Variants in RHPN2 observed in about 807,000 individuals in gnomAD.
The protein encoded by RHPN2 is rhophilin Rho GTPase binding protein 2.
Under a neutral mutation model 79.0 loss-of-function variants are expected in RHPN2, and 40 were observed. The ratio of observed to expected loss-of-function variants is 0.51; its 90% CI spans 0.39 to 0.66. The LOEUF (loss-of-function observed/expected upper bound fraction) is 0.66. Ranked by LOEUF, RHPN2 falls within the 30% of genes least tolerant of loss-of-function variation. The pLI, the probability that RHPN2 is intolerant of heterozygous loss-of-function variation, is 0.00. For synonymous variants in RHPN2, 285 were observed against 363.5 expected, an observed-to-expected ratio of 0.78 and a Z score of 2.46; for missense variants, 686 against 883.5, an observed-to-expected ratio of 0.78 and a Z score of 2.83.
rs1235103647 is a variant in RHPN2 at position 33,006,445 on chromosome 19, C to G, written c.760+1569G>C. The stretch of plus-strand genomic sequence containing the variant: ...AATCATTATAACATCAGAAATTTCA[C>G]GATGAGTCAAAGTGGCAAAGCTATG... On this transcript the variant is annotated intron_variant, in intron 7 of 14. Coordinates refer to ENST00000254260, the MANE Select transcript of RHPN2 (RefSeq NM_033103.5). Among the ~76,000 whole-genome samples the G allele has an allele frequency of 2.6e-5, 4 of 152,236 alleles. No homozygotes were observed. The East Asian group carries it at 5.8e-4, about 22-fold the overall frequency.
At chr19:33,019,674 G>T (rs904465897) in intron 4 of RHPN2, among the ~76,000 whole-genome samples, 1 of 151,990 alleles carries the variant, frequency 6.6e-6, no homozygotes, top group Non-Finnish European at 1.5e-5. Flanking sequence ...TGAAGTGGGA[G>T]GATCACCTGA....
rs1006251671 is a variant in RHPN2 at position 33,018,700 on chromosome 19, T to G, written c.390+2871A>C. 7.6e-4 allele frequency among the ~76,000 whole-genome samples: 116 copies of G among 152,228 alleles called. 2 individuals are homozygous for G. Among genetic ancestry groups the G allele is most frequent in the Admixed American group, 7.9e-4 (12 of 15,262 alleles). On this transcript the variant is annotated intron_variant, in intron 4 of 14. Coordinates refer to ENST00000254260, the MANE Select transcript of RHPN2 (RefSeq NM_033103.5). Reference sequence around the variant, plus strand: ...TCTATTTATGTCAAACAACTCACTGTCTCTGAGAATGAACGTCAAGTGCTT... The same window carrying G: ...TCTATTTATGTCAAACAACTCACTGGCTCTGAGAATGAACGTCAAGTGCTT...
chr19:33,009,840 G>A (rs191119561), intron 6 of RHPN2, among the ~76,000 whole-genome samples: 2 of 151,474 alleles, frequency 1.3e-5, no homozygotes, highest in African/African-American at 2.4e-5. Context: ...CTGCAGTGGC[G>A]CCATCTCAGC....
chr19:33,011,333 T>C (rs1189670157), intron 6 of RHPN2, among the ~76,000 whole-genome samples: 2 of 152,164 alleles, frequency 1.3e-5, no homozygotes, highest in African/African-American at 2.4e-5. Context: ...TACACATGCA[T>C]GCCCCTGTCC....
chr19:33,032,286 G>C (rs1972019776), intron 2 of RHPN2, among the ~76,000 whole-genome samples: 1 of 152,138 alleles, frequency 6.6e-6, no homozygotes, highest in African/African-American at 2.4e-5. Context: ...CGAAGTGCTG[G>C]GATTATAGGC....
chr19:33,048,494 G>A (rs1972160075), intron 1 of RHPN2, among the ~76,000 whole-genome samples: 1 of 151,034 alleles, frequency 6.6e-6, no homozygotes, highest in Admixed American at 6.6e-5. Flanking sequence ...GGGAGGCTGA[G>A]GCGGGTAGAT....
chr19:33,045,050 CTTT>C (rs367927850), intron 1 of RHPN2, among the ~76,000 whole-genome samples: 2 of 127,288 alleles, frequency 1.6e-5, no homozygotes, highest in Admixed American at 8.6e-5. Flanking sequence ...TGAGTATCTA[CTTT>C]TTTTTTTTTT....
At chr19:33,040,024 G>A (rs6510332) in intron 2 of RHPN2, among the ~76,000 whole-genome samples, 80,418 of 151,538 alleles carry the variant, frequency 0.53, 25,542 homozygotes, top group African/African-American at 0.87. Flanking sequence ...ACCACTCCCT[G>A]TTGTCTCACA....
chr19:33,033,017 T>C (rs556051564), intron 2 of RHPN2, among the ~76,000 whole-genome samples: 2 of 152,308 alleles, frequency 1.3e-5, no homozygotes, highest in African/African-American at 2.4e-5. Flanking sequence ...ACATGTTGTA[T>C]GAATATGTTA....
chr19:33,029,336 C>G (rs1160558585), intron 2 of RHPN2, among the ~76,000 whole-genome samples: 1 of 151,676 alleles, frequency 6.6e-6, no homozygotes, highest in Non-Finnish European at 1.5e-5. Flanking sequence ...ACCATCCTGG[C>G]TGACATAGTG....
intron 12 of RHPN2, among the ~76,000 whole-genome samples, chr19:32,993,744 G>A (rs1971678791): frequency 6.6e-6 from 1 of 152,122 alleles, no homozygotes; most frequent in Non-Finnish European, 1.5e-5. Flanking sequence ...GAGGACACAG[G>A]TAGAAGGCCC....
chr19:32,981,707 C>CT (rs34395682), intron 14 of RHPN2, among the ~76,000 whole-genome samples: 192 of 123,586 alleles, frequency 1.6e-3, no homozygotes, highest in South Asian at 3.9e-3. Context: ...TTTCTTTTTC[C>CT]TTTTTTTTTT....
chr19:33,018,102 G>A (rs1303815327), intron 4 of RHPN2, among the ~76,000 whole-genome samples: 1 of 152,046 alleles, frequency 6.6e-6, no homozygotes, highest in African/African-American at 2.4e-5. Context: ...GCAGTGAGCC[G>A]AGATCACGCC....
rs561202537 is a variant in RHPN2 at position 33,004,681 on chromosome 19, G to C, written c.761-1681C>G. ...AGTTCACTGCAACCTCTGCCTCCCA[G>C]GTTCAAGCGATCCTCCTGCCTCAGC... is the stretch of plus-strand genomic sequence containing the variant. On this transcript the variant is annotated intron_variant, in intron 7 of 14. Coordinates refer to ENST00000254260, the MANE Select transcript of RHPN2 (RefSeq NM_033103.5). Among the ~76,000 whole-genome samples, 7 of 151,792 alleles carry C rather than the reference G, an allele frequency of 4.6e-5. No individual in the cohort carries two copies. The South Asian group carries it at 1.3e-3, about 27-fold the overall frequency.
chr19:33,008,247 A>ATTTT, intron 6 of RHPN2, 67 bp from the exon 7 acceptor site: 1 of 1,461,530 alleles, frequency 6.8e-7, no homozygotes, highest in Non-Finnish European at 9.4e-7. Flanking sequence ...AGTGGAAAAA[A>ATTTT]TTCTTTTTTT....
intron 14 of RHPN2, among the ~76,000 whole-genome samples, chr19:32,981,616 T>C (rs928302423): frequency 6.6e-6 from 1 of 151,968 alleles, no homozygotes; most frequent in Non-Finnish European, 1.5e-5. Context: ...TATTTCTATA[T>C]GTACCTAAGT....
chr19:32,983,095 C>CACACACACA (rs1568307710), intron 14 of RHPN2, among the ~76,000 whole-genome samples: 2 of 147,158 alleles, frequency 1.4e-5, no homozygotes, highest in Non-Finnish European at 3.0e-5. Flanking sequence ...CACACACACA[C>CACACACACA]TCCTGCAATG....
intron 1 of RHPN2, among the ~76,000 whole-genome samples, chr19:33,044,757 G>T (rs547028846): frequency 2.0e-5 from 3 of 152,120 alleles, no homozygotes; most frequent in African/African-American, 7.2e-5. Context: ...AACCAGGTGT[G>T]GTGGTGGGCG....
At chr19:32,999,507 G>A in intron 10 of RHPN2, 79 bp downstream of exon 10, 1 of 1,561,022 alleles carries the variant, frequency 6.4e-7, no homozygotes, top group Non-Finnish European at 8.7e-7. Context: ...CCTCTTCAGG[G>A]ACCTCTCTGT....
Sources: gnomAD v4.1 joint callset for allele counts (sites outside exome capture counted in the v4.1 genomes callset) on GRCh38, gnomAD v4.1.1 for gene constraint, MANE v1.5 for transcripts, NCBI Gene and HGNC (gene_info 2026-07-23, HGNC 2026-07-21) for gene names.